Variants in SYNE2 observed in about 807,000 individuals in gnomAD.
SYNE2 encodes the protein spectrin repeat containing nuclear envelope protein 2, also known as nesprin-2.
Under a neutral mutation model 856.3 loss-of-function variants are expected in SYNE2, and 431 were observed. The observed-to-expected ratio is 0.50, with a 90% CI of 0.47 to 0.55. SYNE2 has a LOEUF of 0.55. Among genes scored for constraint, SYNE2 ranks in the 20% least tolerant of loss-of-function variants. The pLI is 0.00. For missense variants in SYNE2, 8,129 were observed against 8,023.2 expected, an observed-to-expected ratio of 1.01 and a Z score of -0.50; for synonymous variants, 2,923 against 2,872.3, an observed-to-expected ratio of 1.02 and a Z score of -0.56.
Position 64,221,686 on chromosome 14 carries a change from G to A in SYNE2, c.20172G>A (p.Glu6724=). ...AGGCAGACCCCCGGGCTCTCCTAGA[G>A]TGTCGGAGGGAACTAATGGTAAGTT... The part of the protein sequence containing the change: ...DPKADPRALL[E]CRRELMQLEK... The change falls in exon 112 of 116, where the codon GAG becomes GAA. Residue 6724 remains glutamate, a synonymous_variant. Transcript: ENST00000555002. The A allele has an allele frequency of 6.2e-7, 1 of 1,614,142 alleles. No individual in the cohort carries two copies. The highest frequency in any genetic ancestry group is 8.5e-7 in the Non-Finnish European group (1 of 1,180,006).
intron 52 of SYNE2, among the ~76,000 whole-genome samples, chr14:64,072,740 A>G (rs1335434408): frequency 6.6e-6 from 1 of 152,190 alleles, no homozygotes; most frequent in African/African-American, 2.4e-5. Context: ...ACTTCAGGTC[A>G]TCTGCCCGCC....
At chr14:63,892,865 G>A (rs1379457478) in intron 1 of SYNE2, among the ~76,000 whole-genome samples, 1 of 151,754 alleles carries the variant, frequency 6.6e-6, no homozygotes, top group Non-Finnish European at 1.5e-5. Flanking sequence ...TACCATGCCT[G>A]GCTGTTTTAT....
upstream of SYNE2, among the ~76,000 whole-genome samples, chr14:63,849,168 G>T (rs1471548252): frequency 6.6e-6 from 1 of 151,908 alleles, no homozygotes; most frequent in Non-Finnish European, 1.5e-5. Flanking sequence ...GTTTATACAA[G>T]TGCTCCCAAA....
chr14:63,814,527 A>G (rs1229611887), intron 1 of SYNE2, among the ~76,000 whole-genome samples: 1 of 141,042 alleles, frequency 7.1e-6, no homozygotes, highest in African/African-American at 2.6e-5. Flanking sequence ...CATTATATAT[A>G]TCCATATATA....
At chr14:63,918,779 A>G (rs561468869) in intron 2 of SYNE2, among the ~76,000 whole-genome samples, 1 of 152,296 alleles carries the variant, frequency 6.6e-6, no homozygotes, top group Non-Finnish European at 1.5e-5. Context: ...GCACAATTTC[A>G]TCAGTGGTGT....
chr14:64,021,629 C>T lies in SYNE2; in HGVS notation c.5352+114C>T, dbSNP rs1328876232. The T allele has an allele frequency of 3.7e-6, 5 of 1,345,430 alleles. No homozygotes were observed. In the Admixed American group the frequency reaches 1.0e-4, roughly 27 times the overall value. 83.3% of individuals were successfully genotyped at this position (1,345,430 alleles called of 1,614,324 possible). ...AAAAAAAAAGTCGAAGAAGAAAACTCAGAAAAACCGCTTTTGTATATTTAG... is the reference window on the plus strand; with the variant it reads ...AAAAAAAAAGTCGAAGAAGAAAACTTAGAAAAACCGCTTTTGTATATTTAG... On this transcript the variant is annotated intron_variant, in intron 36 of 115. Transcript: ENST00000555002.
intron 1 of SYNE2, among the ~76,000 whole-genome samples, chr14:63,846,382 T>G (rs978920101): frequency 5.3e-5 from 8 of 152,096 alleles, no homozygotes; most frequent in African/African-American, 1.2e-4. Flanking sequence ...ATCAAATTCA[T>G]TTTTGGCCGT....
intron 7 of SYNE2, among the ~76,000 whole-genome samples, chr14:63,950,366 T>C (rs1285996005): frequency 6.6e-6 from 1 of 152,026 alleles, no homozygotes; most frequent in African/African-American, 2.4e-5. Flanking sequence ...CCAGCCTGGC[T>C]AACATGGTGA....
intron 1 of SYNE2, among the ~76,000 whole-genome samples, chr14:63,769,392 G>C (rs1034424350): frequency 3.9e-5 from 6 of 152,190 alleles, no homozygotes; most frequent in Non-Finnish European, 8.8e-5. Flanking sequence ...CTGGAGACCA[G>C]GCACAGTGGC....
Position 63,826,584 on chromosome 14 carries a change from G to T in SYNE2, c.-304-25917G>T, listed in dbSNP as rs371921442. Among the ~76,000 whole-genome samples, 32 of 152,282 alleles carry T rather than the reference G, an allele frequency of 2.1e-4. 1 individual carries two copies. In the South Asian group the frequency reaches 6.6e-3, roughly 32 times the overall value. ...CTAAGTGCTGGGATTACAGGCGTGAGTCACCGCGCCTGGCCAACAATAGTT... is the reference window on the plus strand; with the variant it reads ...CTAAGTGCTGGGATTACAGGCGTGATTCACCGCGCCTGGCCAACAATAGTT... On this transcript the variant is annotated intron_variant, in intron 1 of 23. Coordinates refer to the SYNE2 transcript ENST00000674003.
At chr14:63,971,167 A>G (rs1386561964) in intron 11 of SYNE2, among the ~76,000 whole-genome samples, 2 of 149,006 alleles carry the variant, frequency 1.3e-5, no homozygotes, top group African/African-American at 5.0e-5. Flanking sequence ...GCTGGAGTGC[A>G]GTGGCTTGAT....
chr14:64,175,128 G>A lies in SYNE2; in HGVS notation c.17420G>A (p.Ser5807Asn). 1.2e-6 allele frequency: 2 copies of A among 1,613,934 alleles called. No homozygotes were observed. The highest frequency in any genetic ancestry group is 2.2e-5 in the South Asian group (2 of 91,082). Reference protein sequence around the residue: ...QLAEMIKQFQSTVETWDQCEK... With the variant: ...QLAEMIKQFQNTVETWDQCEK... ...GCAGAGATGATTAAGCAGTTCCAGA[G>A]CACTGTAGAGGTAAACTCACCACTT... Residue 5807 changes from serine to asparagine, a missense_variant, in exon 95 of 116, where the codon AGC becomes AAC. Coordinates refer to ENST00000555002, the MANE Select transcript of SYNE2 (RefSeq NM_182914.3).
At chr14:63,852,723 G>C (rs373425120), upstream of SYNE2, among the ~76,000 whole-genome samples, 29 of 152,270 alleles carry the variant, frequency 1.9e-4, no homozygotes, top group East Asian at 3.9e-3. Context: ...CTTTTTGAGG[G>C]AGCTTGTGGC....
chr14:64,154,739 G>A (rs1470999218), intron 85 of SYNE2, among the ~76,000 whole-genome samples: 9 of 148,460 alleles, frequency 6.1e-5, no homozygotes, highest in African/African-American at 1.8e-4. Flanking sequence ...GGAGCAGTAA[G>A]GCAAGACTAT....
chr14:63,884,760 G>A (rs2094943095), intron 1 of SYNE2, among the ~76,000 whole-genome samples: 1 of 152,078 alleles, frequency 6.6e-6, no homozygotes, highest in East Asian at 1.9e-4. Context: ...GAAGGCCCCA[G>A]ATGTTGAATT....
chr14:63,847,412 A>G (rs1273760982), intron 1 of SYNE2, among the ~76,000 whole-genome samples: 1 of 151,986 alleles, frequency 6.6e-6, no homozygotes, highest in Admixed American at 6.6e-5. Flanking sequence ...AGCCATGATC[A>G]TACCATTGCA....
Position 64,219,262 on chromosome 14 carries a change from A to C in SYNE2, c.19712A>C (p.Lys6571Thr), listed in dbSNP as rs1478260194. The C allele has an allele frequency of 6.2e-7, 1 of 1,614,104 alleles. No individual in the cohort carries two copies. The highest frequency in any genetic ancestry group is 1.7e-5 in the Admixed American group (1 of 60,026). The change falls in exon 110 of 116, where the codon AAA becomes ACA. Residue 6571 changes from lysine to threonine, a missense_variant. Physicochemically the swap from Lys to Thr is moderately conservative, Grantham distance 78. This residue lies in a region of SYNE2 where 5,410 missense variants were observed against 5,284.8 expected (regional missense o/e 1.02). Transcript: ENST00000555002. Reference sequence around the variant, plus strand: ...GCACAGGAGCTTCACAATAAGCTCAAAATAAAACAAAATTTGCAACAGCTG... The same window carrying C: ...GCACAGGAGCTTCACAATAAGCTCACAATAAAACAAAATTTGCAACAGCTG... ...IQAQELHNKLKIKQNLQQLNS... is the reference protein window; with the variant it reads ...IQAQELHNKLTIKQNLQQLNS...
At chr14:63,868,053 A>G (rs535614415) in intron 1 of SYNE2, among the ~76,000 whole-genome samples, 2 of 152,274 alleles carry the variant, frequency 1.3e-5, no homozygotes, top group South Asian at 4.1e-4. Flanking sequence ...GTCTAAAAAA[A>G]GAAAAAAAAG....
intron 1 of SYNE2, among the ~76,000 whole-genome samples, chr14:63,892,768 C>T (rs1041409470): frequency 2.1e-5 from 3 of 144,860 alleles, no homozygotes; most frequent in African/African-American, 7.7e-5. Flanking sequence ...AGGGGTCTCA[C>T]TATGTTGCAC....
Sources: allele counts gnomAD v4.1 joint callset (sites outside exome capture counted in the v4.1 genomes callset), GRCh38; gene constraint gnomAD v4.1.1; regional missense constraint gnomAD v4.1.1; transcripts MANE v1.5; gene names NCBI Gene and HGNC (gene_info 2026-07-23, HGNC 2026-07-21).